Variants in ST14 observed in about 807,000 individuals in gnomAD.
The protein encoded by ST14 is ST14 transmembrane serine protease matriptase.
Under a neutral mutation model 96.5 loss-of-function variants are expected in ST14, and 40 were observed. The ratio of observed to expected loss-of-function variants is 0.41; its 90% CI spans 0.32 to 0.54. The LOEUF is 0.54. ST14 is among the 20% of genes least tolerant of loss of function. The pLI is 0.17. For synonymous variants in ST14, 506 were observed against 492.1 expected, an observed-to-expected ratio of 1.03 and a Z score of -0.37; for missense variants, 1,066 against 1,188.9, an observed-to-expected ratio of 0.90 and a Z score of 1.52.
Position 130,190,518 on chromosome 11 carries a change from C to T in ST14, c.699C>T (p.Phe233=), listed in dbSNP as rs1319692966. 2 of 1,610,312 alleles carry T rather than the reference C, an allele frequency of 1.2e-6. No homozygotes were observed. The highest frequency in any genetic ancestry group is 1.1e-5 in the South Asian group (1 of 91,062). ...TGATGCGCTTCACCACGCCCGGCTT[C>T]CCTGACAGCCCCTACCCCGCTCATG... ...VELMRFTTPG[F]PDSPYPAHAR... is the part of the protein sequence containing the mutation. Residue 233 remains phenylalanine, a synonymous_variant, in exon 7 of 19, where the codon TTC becomes TTT. Transcript: ENST00000278742.
rs76803199 is a variant in ST14 at position 130,189,040 on chromosome 11, G to A, written c.440+101G>A. The A allele has an allele frequency of 5.3e-4, 699 of 1,328,160 alleles. 1 individual carries two copies. In the African/African-American group the frequency reaches 9.0e-3, roughly 17 times the overall value. The allele number at this position is 1,328,160 out of a possible 1,614,324, so 82.3% of individuals were successfully genotyped here. On this transcript the variant is annotated intron_variant, in intron 4 of 18. Coordinates refer to ENST00000278742, the MANE Select transcript of ST14 (RefSeq NM_021978.4). ...CAGGAAGCGGGAGATGGTGCTGGAG[G>A]TCCTGGCCTGGAGAGCCAAGGAGGG...
chr11:130,160,157 T>A (rs1029799664), intron 1 of ST14, 97 bp downstream of exon 1: 2 of 847,572 alleles, frequency 2.4e-6, no homozygotes, highest in African/African-American at 1.8e-5. Flanking sequence ...GGCGTGTCCG[T>A]CGGTGGCCGA....
intron 1 of ST14, among the ~76,000 whole-genome samples, chr11:130,163,159 A>G (rs1019031279): frequency 6.6e-6 from 1 of 152,054 alleles, no homozygotes; most frequent in African/African-American, 2.4e-5. Flanking sequence ...GAGGCTGAGA[A>G]CCCAGGCTGT....
chr11:130,188,674 C>T lies in ST14; in HGVS notation c.369+17C>T. 2 of 1,614,120 alleles carry T rather than the reference C, an allele frequency of 1.2e-6. No homozygotes were observed. Among genetic ancestry groups the T allele is most frequent in the Non-Finnish European group, 1.7e-6 (2 of 1,180,020 alleles). ...AAGGACGCGGTGAGTGCAGCCTGCCCAGAGTCCTGCTGGGCTGTGTGCGCT... is the reference window on the plus strand; with the variant it reads ...AAGGACGCGGTGAGTGCAGCCTGCCTAGAGTCCTGCTGGGCTGTGTGCGCT... On this transcript the variant is annotated intron_variant, in intron 3 of 18. Transcript: ENST00000278742. This position sits in a 1 kb window ranked among gnomAD's most constrained non-coding sequence, Gnocchi z 5.4.
intron 8 of ST14, 27 bp from the exon 9 acceptor site, chr11:130,194,613 C>G (rs368684866): frequency 6.2e-7 from 1 of 1,612,884 alleles, no homozygotes; most frequent in Non-Finnish European, 8.5e-7. Context: ...TCCTGATCCT[C>G]TTGCTTTCTC....
chr11:130,208,060 C>A (rs1953507018), intron 16 of ST14, among the ~76,000 whole-genome samples: 1 of 150,960 alleles, frequency 6.6e-6, no homozygotes, highest in Admixed American at 6.6e-5. Flanking sequence ...GGTGACAGAG[C>A]GAGACTCAGT....
chr11:130,200,922 G>A (rs1953420729), intron 16 of ST14, among the ~76,000 whole-genome samples: 1 of 152,248 alleles, frequency 6.6e-6, no homozygotes, highest in African/African-American at 2.4e-5. Context: ...GCCAACGTGA[G>A]CTTTGGATTC....
intron 1 of ST14, among the ~76,000 whole-genome samples, chr11:130,184,446 C>T (rs960801274): frequency 2.6e-5 from 4 of 152,200 alleles, no homozygotes; most frequent in African/African-American, 7.2e-5. Flanking sequence ...ACAATACAAT[C>T]TGTTTGGCTA....
intron 16 of ST14, among the ~76,000 whole-genome samples, chr11:130,200,530 G>A (rs1396097067): frequency 2.0e-5 from 3 of 152,132 alleles, no homozygotes. Context: ...CATGGGAAGG[G>A]CACCAAAACA....
intron 1 of ST14, among the ~76,000 whole-genome samples, chr11:130,179,875 G>A (rs1953174413): frequency 6.6e-6 from 1 of 152,208 alleles, no homozygotes; most frequent in Admixed American, 6.5e-5. Context: ...GTCCGGCAGG[G>A]AGCGGCCACG....
chr11:130,193,940 C>A (rs899142858), intron 7 of ST14, among the ~76,000 whole-genome samples: 65 of 152,412 alleles, frequency 4.3e-4, no homozygotes, highest in African/African-American at 1.5e-3. Flanking sequence ...CAAAGGTGAA[C>A]TGTTTATCAC....
Position 130,194,137 on chromosome 11 carries a change from C to G in ST14, c.876-12C>G. 6.2e-7 allele frequency: 1 copy of G among 1,614,202 alleles called. No homozygotes were observed. The highest frequency in any genetic ancestry group is 8.5e-7 in the Non-Finnish European group (1 of 1,180,026). On this transcript the variant is annotated splice_polypyrimidine_tract_variant and intron_variant, in intron 7 of 18. Transcript: ENST00000278742. ...GTCTGCTCTTCCTAATGCCCGCCCT[C>G]TGCCCCCACAGGTTGTGTGGCACCT... is the stretch of plus-strand genomic sequence containing the variant.
rs543216066 is a variant in ST14, at chr11:130,180,075, G to A, written c.82-8039G>A. 5.9e-5 allele frequency among the ~76,000 whole-genome samples: 9 copies of A among 152,288 alleles called. No homozygotes were observed. In the South Asian group the frequency reaches 6.2e-4, roughly 11 times the overall value. On this transcript the variant is annotated intron_variant, in intron 1 of 18. Transcript: ENST00000278742. The stretch of plus-strand genomic sequence containing the variant: ...TGATGACATCATGGGATTGAAATCC[G>A]TCCCACCTTGGAGTCACCGAGCGTG...
At chr11:130,206,560 T>TC (rs1181380783) in intron 16 of ST14, among the ~76,000 whole-genome samples, 1 of 109,186 alleles carries the variant, frequency 9.2e-6, no homozygotes, top group Non-Finnish European at 1.9e-5. Flanking sequence ...TCTTTCTCTT[T>TC]TCTTTTCTTT....
intron 1 of ST14, among the ~76,000 whole-genome samples, chr11:130,163,033 T>G (rs1444054711): frequency 3.9e-5 from 6 of 152,212 alleles, no homozygotes; most frequent in African/African-American, 1.4e-4. Flanking sequence ...GTACTTTACA[T>G]GAAAGCCCTT....
chr11:130,195,756 G>A (rs1953354605), intron 9 of ST14, among the ~76,000 whole-genome samples: 1 of 152,030 alleles, frequency 6.6e-6, no homozygotes, highest in Non-Finnish European at 1.5e-5. Context: ...GGGAGACTGA[G>A]GCAGGAAAGT....
At chr11:130,209,397 C>G (rs1953523888) in intron 17 of ST14, 45 bp from the exon 18 acceptor site, 16 of 1,557,884 alleles carry the variant, frequency 1.0e-5, no homozygotes, top group Non-Finnish European at 1.4e-5. Flanking sequence ...ATGACGCTGC[C>G]CTCGAAGCAG....
At chr11:130,201,846 G>A (rs1261535442) in intron 16 of ST14, among the ~76,000 whole-genome samples, 4 of 152,238 alleles carry the variant, frequency 2.6e-5, no homozygotes, top group Non-Finnish European at 5.9e-5. Context: ...CCAAAGTGCT[G>A]GCATTACAGA....
chr11:130,209,779 C>T lies in ST14; in HGVS notation c.2524C>T (p.Leu842Phe). ...GAACAAGCCAGGCGTGTACACAAGG[C>T]TCCCTCTGTTTCGGGACTGGATCAA... ...QRNKPGVYTR[L>F]PLFRDWIKEN... The change falls in exon 19 of 19, where the codon CTC becomes TTC. Residue 842 changes from leucine to phenylalanine, a missense_variant. Leu to Phe is a conservative substitution (Grantham distance 22). Coordinates refer to ENST00000278742, the MANE Select transcript of ST14 (RefSeq NM_021978.4). 1 of 1,614,070 alleles carries T rather than the reference C, an allele frequency of 6.2e-7. No individual in the cohort carries two copies. The highest frequency in any genetic ancestry group is 1.1e-5 in the South Asian group (1 of 91,090).
Sources: allele counts gnomAD v4.1 joint callset (sites outside exome capture counted in the v4.1 genomes callset), GRCh38; gene constraint gnomAD v4.1.1; non-coding constraint Gnocchi (gnomAD v3.1); transcripts MANE v1.5; gene names NCBI Gene and HGNC (gene_info 2026-07-23, HGNC 2026-07-21).